The following SMYD3 variants were observed in gnomAD, a reference collection of about 807,000 sequenced individuals.
The protein encoded by SMYD3 is SET and MYND domain containing 3, also known as histone-lysine N-methyltransferase SMYD3.
Under a neutral mutation model 57.7 loss-of-function variants are expected in SMYD3, and 36 were observed. That is an observed-to-expected ratio of 0.62 (90% CI 0.48 to 0.82). The LOEUF (loss-of-function observed/expected upper bound fraction) is 0.82. Among genes scored for constraint, SMYD3 ranks in the 40% least tolerant of loss-of-function variants. The probability of loss-of-function intolerance (pLI) is 0.00; values close to 1 mark genes in which losing one functional copy is unlikely to be tolerated. For missense variants in SMYD3, 515 were observed against 538.8 expected, an observed-to-expected ratio of 0.96 and a Z score of 0.44; for synonymous variants, 211 against 195.0, an observed-to-expected ratio of 1.08 and a Z score of -0.68.
intron 7 of SMYD3, among the ~76,000 whole-genome samples, chr1:245,918,902 A>C (rs955832128): frequency 4.6e-5 from 7 of 152,230 alleles, no homozygotes; most frequent in Non-Finnish European, 8.8e-5. Context: ...GTGTGAAGCC[A>C]CTAACTCCAG....
intron 8 of SMYD3, among the ~76,000 whole-genome samples, chr1:245,877,513 T>A (rs991945879): frequency 6.6e-6 from 1 of 152,098 alleles, no homozygotes; most frequent in African/African-American, 2.4e-5. Flanking sequence ...AGGTAGATGT[T>A]TCAACAATCC....
intron 1 of SMYD3, among the ~76,000 whole-genome samples, chr1:246,406,884 C>T (rs1010394105): frequency 1.3e-5 from 2 of 152,192 alleles, no homozygotes; most frequent in African/African-American, 4.8e-5. Flanking sequence ...CCCAAGCTAT[C>T]GACCTGGTAA....
chr1:245,969,658 A>G (rs2058246823), intron 5 of SMYD3, among the ~76,000 whole-genome samples: 1 of 152,242 alleles, frequency 6.6e-6, no homozygotes, highest in Non-Finnish European at 1.5e-5. Flanking sequence ...CTGAAGATAA[A>G]TGGTAGCTAT....
chr1:246,401,543 G>A (rs1252322664), intron 1 of SMYD3, among the ~76,000 whole-genome samples: 1 of 151,922 alleles, frequency 6.6e-6, no homozygotes, highest in African/African-American at 2.4e-5. Flanking sequence ...ATGTTGGCGA[G>A]GCTAGTCTTG....
intron 5 of SMYD3, among the ~76,000 whole-genome samples, chr1:246,029,386 T>C (rs557969176): frequency 6.6e-6 from 1 of 152,044 alleles, no homozygotes; most frequent in African/African-American, 2.4e-5. Flanking sequence ...AAAGAAAATA[T>C]GCAGGCCAGG....
chr1:246,249,933 G>A (rs1190643902), intron 5 of SMYD3, among the ~76,000 whole-genome samples: 2 of 152,180 alleles, frequency 1.3e-5, no homozygotes, highest in Non-Finnish European at 2.9e-5. Flanking sequence ...AGGTAGTCAA[G>A]TCTGTTCCAT....
chr1:246,438,839 A>T (rs1220734262), intron 1 of SMYD3, among the ~76,000 whole-genome samples: 1 of 151,308 alleles, frequency 6.6e-6, no homozygotes, highest in Non-Finnish European at 1.5e-5. Context: ...TGTGCAACCT[A>T]GATCCCTCAC....
rs192411471 is a variant in SMYD3, at chr1:245,940,595, C to A, written c.532-10658G>T. 2.7e-4 allele frequency among the ~76,000 whole-genome samples: 37 copies of A among 139,042 alleles called. No individual in the cohort carries two copies. The East Asian group carries it at 5.8e-3, about 22-fold the overall frequency. 91.2% of individuals were successfully genotyped at this position (139,042 alleles called of 152,430 possible). ...CAAAACAAAACAAAACAAAAAAAAA[C>A]AGAAAGCACCACTACCACCGACATC... On this transcript the variant is annotated intron_variant, in intron 5 of 11. Coordinates refer to ENST00000490107, the MANE Select transcript of SMYD3 (RefSeq NM_001167740.2).
chr1:245,950,436 A>G (rs1444319028), intron 5 of SMYD3, among the ~76,000 whole-genome samples: 2 of 152,178 alleles, frequency 1.3e-5, no homozygotes, highest in Admixed American at 6.5e-5. Flanking sequence ...CTGTAACAGC[A>G]GGATCTGAGT....
rs557182480 is a variant in SMYD3, at chr1:245,830,981, T to G, written c.1076+27515A>C. Among the ~76,000 whole-genome samples, 6 of 152,280 alleles carry G rather than the reference T, an allele frequency of 3.9e-5. No individual in the cohort carries two copies. In the South Asian group the frequency reaches 1.2e-3, roughly 32 times the overall value. ...CCCCCTCCTCGCTACAGATCACAAGTGTTGGCCTGGTTTCTCTCACCACAA... is the reference window on the plus strand; with the variant it reads ...CCCCCTCCTCGCTACAGATCACAAGGGTTGGCCTGGTTTCTCTCACCACAA... On this transcript the variant is annotated intron_variant, in intron 10 of 11. Transcript: ENST00000490107.
chr1:246,220,944 G>A (rs890069329), intron 5 of SMYD3, among the ~76,000 whole-genome samples: 2 of 151,974 alleles, frequency 1.3e-5, no homozygotes, highest in African/African-American at 4.8e-5. Flanking sequence ...ACCAGCTGCA[G>A]AGGGGAGCAA....
chr1:246,327,638 A>G (rs990013460), intron 4 of SMYD3, among the ~76,000 whole-genome samples: 17 of 152,226 alleles, frequency 1.1e-4, no homozygotes, highest in African/African-American at 4.1e-4. Context: ...GATTTTCTAC[A>G]TCATTCTGTA....
intron 5 of SMYD3, among the ~76,000 whole-genome samples, chr1:246,170,287 T>C (rs1389628276): frequency 2.0e-5 from 3 of 152,118 alleles, no homozygotes; most frequent in African/African-American, 7.2e-5. Flanking sequence ...ATATTATGTA[T>C]GAAATATAAT....
chr1:245,870,411 A>C (rs146098770), intron 8 of SMYD3, among the ~76,000 whole-genome samples: 82 of 152,230 alleles, frequency 5.4e-4, no homozygotes, highest in African/African-American at 1.9e-3. Flanking sequence ...GTCAAGGGTT[A>C]TTTGGGGAGT....
chr1:246,267,432 A>G (rs1362024166), intron 5 of SMYD3, among the ~76,000 whole-genome samples: 1 of 152,234 alleles, frequency 6.6e-6, no homozygotes, highest in African/African-American at 2.4e-5. Flanking sequence ...GATTATTCCC[A>G]GTCCATAGGC....
At chr1:245,988,523 T>C (rs1300798747) in intron 5 of SMYD3, 5 of 152,288 alleles carry the variant, frequency 3.3e-5, no homozygotes, top group African/African-American at 7.2e-5. Flanking sequence ...CTGTAGCTTC[T>C]GTAGCGAGCC....
chr1:245,942,902 T>C (rs1244238166), intron 5 of SMYD3, among the ~76,000 whole-genome samples: 1 of 152,050 alleles, frequency 6.6e-6, no homozygotes, highest in Non-Finnish European at 1.5e-5. Flanking sequence ...AATAATGAAA[T>C]TGAGGCAGAA....
intron 5 of SMYD3, among the ~76,000 whole-genome samples, chr1:245,937,219 A>AATCAATATCAAGGCCAAT (rs1374162920): frequency 3.3e-5 from 5 of 152,168 alleles, no homozygotes; most frequent in Non-Finnish European, 7.3e-5. Flanking sequence ...TCAAGGCTAA[A>AATCAATATCAAGGCCAAT]ATCAATATCA....
intron 1 of SMYD3, among the ~76,000 whole-genome samples, chr1:246,379,858 G>A (rs1021419824): frequency 6.6e-6 from 1 of 151,988 alleles, no homozygotes; most frequent in Non-Finnish European, 1.5e-5. Flanking sequence ...AAATTAGTCA[G>A]GCATGGTGAC....
Sources: allele counts gnomAD v4.1 joint callset (sites outside exome capture counted in the v4.1 genomes callset), GRCh38; gene constraint gnomAD v4.1.1; transcripts MANE v1.5; gene names NCBI Gene and HGNC (gene_info 2026-07-23, HGNC 2026-07-21).